Variants in BAIAP2L1 observed in about 807,000 individuals in gnomAD.
BAIAP2L1 encodes the protein BAR/IMD domain containing adaptor protein 2 like 1.
In BAIAP2L1, 35 loss-of-function variants were observed where a neutral mutation model predicts 66.3. The observed-to-expected ratio is 0.53, with a 90% CI of 0.40 to 0.70. The LOEUF is 0.70. Ranked by LOEUF, BAIAP2L1 falls within the 30% of genes least tolerant of loss-of-function variation. BAIAP2L1 has a pLI of 0.00. For synonymous variants in BAIAP2L1, 269 were observed against 248.7 expected (o/e 1.08, Z -0.77); for missense variants, 622 against 656.9 (o/e 0.95, Z 0.58).
rs997610483 is a variant in BAIAP2L1 at position 98,324,886 on chromosome 7, A to G, written c.215-4588T>C. Among the ~76,000 whole-genome samples the G allele has an allele frequency of 3.9e-5, 6 of 152,216 alleles. No individual in the cohort carries two copies. The East Asian group carries it at 7.7e-4, about 20-fold the overall frequency. ...CTAATGCACCTGAACTGCATAGGAC[A>G]TGTAGGCATAAAGATTCTTTCCATT... On this transcript the variant is annotated intron_variant, in intron 3 of 13. Coordinates refer to ENST00000005260, the MANE Select transcript of BAIAP2L1 (RefSeq NM_018842.5).
chr7:98,346,675 C>T (rs1269997196), intron 3 of BAIAP2L1, among the ~76,000 whole-genome samples: 1 of 152,196 alleles, frequency 6.6e-6, no homozygotes, highest in Non-Finnish European at 1.5e-5. Flanking sequence ...AGCATCCCCA[C>T]AGACAGCCGA....
intron 1 of BAIAP2L1, 59 bp downstream of exon 1, chr7:98,400,743 C>T: frequency 1.3e-6 from 2 of 1,531,630 alleles, no homozygotes; most frequent in Non-Finnish European, 1.8e-6. Flanking sequence ...CGTAAAGTCC[C>T]CTTCTGAACC....
intron 13 of BAIAP2L1, 106 bp from the exon 14 acceptor site, chr7:98,293,702 C>T: frequency 9.1e-7 from 1 of 1,097,012 alleles, no homozygotes; most frequent in Non-Finnish European, 1.4e-6. Context: ...GGCGGCTGAC[C>T]ACCTCCCCAG....
intron 3 of BAIAP2L1, among the ~76,000 whole-genome samples, chr7:98,332,731 C>A (rs1425995880): frequency 6.9e-6 from 1 of 144,888 alleles, no homozygotes; most frequent in Non-Finnish European, 1.5e-5. Flanking sequence ...ATCACTTGAA[C>A]CTGGGAGGCA....
chr7:98,368,924 T>C (rs1048276321), intron 1 of BAIAP2L1, among the ~76,000 whole-genome samples: 7 of 152,036 alleles, frequency 4.6e-5, no homozygotes, highest in African/African-American at 1.7e-4. Context: ...AAAGCTGCTA[T>C]GAGCGATCGC....
chr7:98,370,009 C>G (rs954745305), intron 1 of BAIAP2L1, among the ~76,000 whole-genome samples: 24 of 151,992 alleles, frequency 1.6e-4, no homozygotes, highest in African/African-American at 5.8e-4. Context: ...TCACATATAA[C>G]CCTAACATCT....
intron 3 of BAIAP2L1, among the ~76,000 whole-genome samples, chr7:98,340,237 G>C (rs1191378077): frequency 6.6e-6 from 1 of 152,168 alleles, no homozygotes; most frequent in Non-Finnish European, 1.5e-5. Flanking sequence ...GAAGCATGAA[G>C]TGTGAAATGG....
At chr7:98,328,573 G>A (rs6465667) in intron 3 of BAIAP2L1, among the ~76,000 whole-genome samples, 57,286 of 151,144 alleles carry the variant, frequency 0.38, 12,353 homozygotes, top group Middle Eastern at 0.54. Context: ...GTTCAATAAT[G>A]CACTGGCTTA....
chr7:98,299,403 C>T (rs528406152), intron 12 of BAIAP2L1, among the ~76,000 whole-genome samples: 2 of 152,190 alleles, frequency 1.3e-5, no homozygotes, highest in Admixed American at 6.5e-5. Context: ...AATGATCCTC[C>T]CGCCTCGGCC....
chr7:98,386,989 G>A (rs752058009), intron 1 of BAIAP2L1, among the ~76,000 whole-genome samples: 3 of 152,042 alleles, frequency 2.0e-5, no homozygotes, highest in South Asian at 2.1e-4. Flanking sequence ...GTGAGCCACC[G>A]TGCCTGGCCT....
At chr7:98,369,398 G>A (rs184289551) in intron 1 of BAIAP2L1, among the ~76,000 whole-genome samples, 8 of 152,236 alleles carry the variant, frequency 5.3e-5, no homozygotes, top group African/African-American at 1.7e-4. Flanking sequence ...TAGGTGAATC[G>A]CTTGAACTCA....
chr7:98,306,293 C>A, intron 11 of BAIAP2L1, 146 bp downstream of exon 11: 1 of 981,732 alleles, frequency 1.0e-6, no homozygotes, highest in Non-Finnish European at 1.6e-6. Context: ...GCAGACAGCA[C>A]TGTGAGCCGC....
intron 3 of BAIAP2L1, among the ~76,000 whole-genome samples, chr7:98,353,831 G>A (rs573933385): frequency 1.8e-4 from 27 of 149,972 alleles, no homozygotes; most frequent in African/African-American, 5.1e-4. Flanking sequence ...GCGTGGTGGC[G>A]GGCATCTGTA....
chr7:98,327,075 T>C (rs971372657), intron 3 of BAIAP2L1, among the ~76,000 whole-genome samples: 2 of 152,104 alleles, frequency 1.3e-5, no homozygotes, highest in Admixed American at 1.3e-4. Flanking sequence ...AAAGTGAGGA[T>C]CCCGGCCAGG....
intron 3 of BAIAP2L1, among the ~76,000 whole-genome samples, chr7:98,334,081 C>T (rs1251517517): frequency 6.6e-6 from 1 of 152,062 alleles, no homozygotes; most frequent in Non-Finnish European, 1.5e-5. Context: ...CCGGGGGACT[C>T]ATAAGCTATT....
chr7:98,386,656 T>C, intron 1 of BAIAP2L1: 2 of 996,402 alleles, frequency 2.0e-6, no homozygotes, highest in Admixed American at 4.9e-5. Flanking sequence ...TTTTTTTGTC[T>C]CTCATCGACT....
At position 98,393,159 on chromosome 7, in the gene BAIAP2L1, A is replaced by G. The variant is rs572901812; in HGVS notation, c.51+7643T>C. 5.0e-4 allele frequency among the ~76,000 whole-genome samples: 40 copies of G among 79,958 alleles called. 2 individuals carry two copies. The highest frequency in any genetic ancestry group is 2.0e-3 in the African/African-American group (36 of 18,434). 52.5% of individuals were successfully genotyped at this position (79,958 alleles called of 152,430 possible). A position where few individuals can be genotyped will look rare whatever the true frequency, so the allele number is the denominator to read the frequency against. ...CACATATGTGTACATATATATGTAC[A>G]CATATATGTATATATATACATATAT... On this transcript the variant is annotated intron_variant, in intron 1 of 13. Coordinates refer to ENST00000005260, the MANE Select transcript of BAIAP2L1 (RefSeq NM_018842.5).
rs1035924840 is a variant in BAIAP2L1, at chr7:98,292,822, G to T, written c.*699C>A. The T allele has an allele frequency of 2.7e-6, 4 of 1,484,518 alleles. No homozygotes were observed. Among genetic ancestry groups the T allele is most frequent in the Admixed American group, 5.0e-5 (2 of 40,322 alleles). 92.0% of individuals were successfully genotyped at this position (1,484,518 alleles called of 1,614,324 possible). ...CCCAGGCCTGTGTCCTGGATGGGCCGTGTGCAGCGAATCCGTTGGCGACTC... is the reference window on the plus strand; with the variant it reads ...CCCAGGCCTGTGTCCTGGATGGGCCTTGTGCAGCGAATCCGTTGGCGACTC... On this transcript the variant is annotated 3_prime_UTR_variant, in exon 14 of 14. Coordinates refer to ENST00000005260, the MANE Select transcript of BAIAP2L1 (RefSeq NM_018842.5).
At chr7:98,301,315 C>A (rs1161589971) in intron 12 of BAIAP2L1, among the ~76,000 whole-genome samples, 1 of 152,190 alleles carries the variant, frequency 6.6e-6, no homozygotes, top group African/African-American at 2.4e-5. Flanking sequence ...GCAGTCAGCA[C>A]TCAAACACGT....
Sources: gnomAD v4.1 joint callset for allele counts (sites outside exome capture counted in the v4.1 genomes callset) on GRCh38, gnomAD v4.1.1 for gene constraint, MANE v1.5 for transcripts, NCBI Gene and HGNC (gene_info 2026-07-23, HGNC 2026-07-21) for gene names.